Variants in CAPN11 observed in about 807,000 individuals in gnomAD.
CAPN11 encodes the protein calpain-11.
In CAPN11, 108 loss-of-function variants were observed where a neutral mutation model predicts 105.3. The ratio of observed to expected loss-of-function variants is 1.03; its 90% CI spans 0.88 to 1.20. The LOEUF is 1.20. Ranked by LOEUF, CAPN11 falls within the 50% of genes most tolerant of loss-of-function variation. CAPN11 has a pLI of 0.00. For synonymous variants in CAPN11, 329 were observed against 344.5 expected (o/e 0.96, Z 0.50); for missense variants, 883 against 924.8 (o/e 0.95, Z 0.59).
intron 12 of CAPN11, 117 bp downstream of exon 12, chr6:44,177,537 G>C: frequency 1.1e-6 from 1 of 930,424 alleles, no homozygotes; most frequent in Non-Finnish European, 1.6e-6. Flanking sequence ...GCCCAGGCTG[G>C]AGTGCAGTGG....
intron 12 of CAPN11, among the ~76,000 whole-genome samples, chr6:44,178,374 A>G (rs1772501554): frequency 6.6e-6 from 1 of 152,184 alleles, no homozygotes; most frequent in East Asian, 1.9e-4. Flanking sequence ...CCAGGAGCCA[A>G]GAGAAAGCCC....
At chr6:44,182,317 A>C (rs1261071611) in intron 19 of CAPN11, among the ~76,000 whole-genome samples, 1 of 139,738 alleles carries the variant, frequency 7.2e-6, no homozygotes, top group African/African-American at 3.2e-5. Context: ...ACACACTCAC[A>C]TACAGACACA....
At chr6:44,161,736 C>T in intron 1 of CAPN11, 1 of 455,440 alleles carries the variant, frequency 2.2e-6, no homozygotes, top group Non-Finnish European at 4.4e-6. Flanking sequence ...TTGGCCTGCC[C>T]TCTGATGTTC....
At chr6:44,173,980 C>A (rs56158190) in intron 7 of CAPN11, among the ~76,000 whole-genome samples, 47,955 of 151,992 alleles carry the variant, frequency 0.32, 9,490 homozygotes, top group Non-Finnish European at 0.44. Flanking sequence ...CATAGCCCAT[C>A]TTCTCCAGAT....
At chr6:44,182,841 TG>T (rs1385869235) in intron 19 of CAPN11, 99 bp from the exon 20 acceptor site, 24 of 822,408 alleles carry the variant, frequency 2.9e-5, no homozygotes, top group Non-Finnish European at 4.8e-5. Context: ...TTCAAAGTGC[TG>T]GGATTACAGG....
intron 19 of CAPN11, among the ~76,000 whole-genome samples, chr6:44,181,551 ACT>A (rs1444204420): frequency 3.8e-5 from 3 of 79,444 alleles, no homozygotes; most frequent in Admixed American, 1.5e-4. Flanking sequence ...ACACACACAC[ACT>A]CACATACAGA....
Position 44,176,820 on chromosome 6 carries a change from A to AC in CAPN11, c.1077-13dup. 1 of 1,612,360 alleles carries AC rather than the reference A, an allele frequency of 6.2e-7. No individual in the cohort carries two copies. The highest frequency in any genetic ancestry group is 1.3e-5 in the African/African-American group (1 of 74,856). The stretch of plus-strand genomic sequence containing the variant: ...TGCAAGTGTGCTGCTGACGGGCTCC[A>AC]CCCCCACCCCACCACAGGATGTCCT... On this transcript the variant is annotated splice_polypyrimidine_tract_variant and intron_variant, in intron 10 of 22. Transcript: ENST00000398776.
chr6:44,180,532 G>A, intron 15 of CAPN11, 33 bp downstream of exon 15: 1 of 1,613,786 alleles, frequency 6.2e-7, no homozygotes, highest in Admixed American at 1.7e-5. Context: ...GGGGTTGGAA[G>A]GAAGCTCCTG....
chr6:44,183,060 G>A (rs1582893582), intron 20 of CAPN11, 41 bp downstream of exon 20: 8 of 1,596,056 alleles, frequency 5.0e-6, no homozygotes, highest in Middle Eastern at 1.7e-4. Flanking sequence ...CAGGGAAGAG[G>A]ATGGCAGTGT....
chr6:44,181,020 CTT>C (rs1306325505), intron 18 of CAPN11, 23 bp downstream of exon 18: 2 of 1,604,530 alleles, frequency 1.2e-6, no homozygotes, highest in Admixed American at 3.3e-5. Context: ...CCAGTGCTCT[CTT>C]GGCCCTGTCC....
At chr6:44,173,170 C>T in intron 6 of CAPN11, 48 bp from the exon 7 acceptor site, 1 of 1,606,658 alleles carries the variant, frequency 6.2e-7, no homozygotes, top group Non-Finnish European at 8.5e-7. Flanking sequence ...TCCCTCCCTC[C>T]CCTCACCTCC....
intron 9 of CAPN11, 104 bp from the exon 10 acceptor site, chr6:44,176,477 G>A (rs1285294736): frequency 7.6e-6 from 10 of 1,310,566 alleles, no homozygotes; most frequent in Non-Finnish European, 9.9e-6. Flanking sequence ...ATCTAGCTCC[G>A]CACCCCAGCA....
At chr6:44,162,404 CA>C (rs1408046348) in intron 1 of CAPN11, among the ~76,000 whole-genome samples, 2 of 149,470 alleles carry the variant, frequency 1.3e-5, no homozygotes, top group Non-Finnish European at 2.9e-5. Context: ...CACACACACA[CA>C]CACACCTGTA....
intron 1 of CAPN11, among the ~76,000 whole-genome samples, chr6:44,159,096 A>G (rs989867172): frequency 8.6e-5 from 13 of 151,706 alleles, no homozygotes; most frequent in Non-Finnish European, 1.5e-4. Flanking sequence ...GGGGAAGGAT[A>G]GGCCACTGGT....
chr6:44,170,462 G>A (rs1770783202), intron 4 of CAPN11, among the ~76,000 whole-genome samples: 1 of 152,180 alleles, frequency 6.6e-6, no homozygotes, highest in Admixed American at 6.5e-5. Context: ...TTTGCTGGCT[G>A]TTGGCAGGAG....
intron 20 of CAPN11, 33 bp from the exon 21 acceptor site, chr6:44,183,084 CTT>C (rs1461912312): frequency 1.3e-6 from 2 of 1,597,426 alleles, no homozygotes; most frequent in Non-Finnish European, 1.7e-6. Flanking sequence ...GAGGCCCAGA[CTT>C]TTCCCCTCCC....
At chr6:44,180,403 T>G in intron 14 of CAPN11, 57 bp from the exon 15 acceptor site, 1 of 1,486,488 alleles carries the variant, frequency 6.7e-7, no homozygotes, top group Non-Finnish European at 9.4e-7. Context: ...AGCACCCCAC[T>G]AAAACCCCCA....
At chr6:44,167,217 G>C (rs922471480) in intron 2 of CAPN11, among the ~76,000 whole-genome samples, 1 of 152,116 alleles carries the variant, frequency 6.6e-6, no homozygotes, top group Non-Finnish European at 1.5e-5. Flanking sequence ...GCAGCATCTA[G>C]GCCGGGCGTG....
intron 1 of CAPN11, among the ~76,000 whole-genome samples, chr6:44,160,529 A>G (rs1355544708): frequency 2.0e-5 from 3 of 152,130 alleles, no homozygotes; most frequent in Non-Finnish European, 4.4e-5. Context: ...AGGCAGGAGA[A>G]TAGCGTGAAC....
Sources: allele counts gnomAD v4.1 joint callset (sites outside exome capture counted in the v4.1 genomes callset), GRCh38; gene constraint gnomAD v4.1.1; transcripts MANE v1.5; gene names NCBI Gene and HGNC (gene_info 2026-07-23, HGNC 2026-07-21).